Variants in RAB3GAP2 observed in about 807,000 individuals in gnomAD.
The protein encoded by RAB3GAP2 is rab3 GTPase-activating protein non-catalytic subunit.
Under a neutral mutation model 185.3 loss-of-function variants are expected in RAB3GAP2, and 87 were observed. The observed-to-expected ratio is 0.47, with a 90% CI of 0.39 to 0.56. RAB3GAP2 has a LOEUF of 0.56. Ranked by LOEUF, RAB3GAP2 falls within the 20% of genes least tolerant of loss-of-function variation. The probability of loss-of-function intolerance (pLI) is 0.00; values close to 1 mark genes in which losing one functional copy is unlikely to be tolerated. For synonymous variants in RAB3GAP2, 554 were observed against 576.1 expected (o/e 0.96, Z 0.55); for missense variants, 1,492 against 1,638.2 (o/e 0.91, Z 1.54).
intron 26 of RAB3GAP2, among the ~76,000 whole-genome samples, chr1:220,167,036 C>T (rs1331887847): frequency 6.6e-6 from 1 of 152,142 alleles, no homozygotes; most frequent in Non-Finnish European, 1.5e-5. Flanking sequence ...TGTGTGTCTG[C>T]AGGGAAGAAA....
chr1:220,153,872 A>G (rs1179573504), intron 32 of RAB3GAP2, 96 bp downstream of exon 32: 5 of 1,551,090 alleles, frequency 3.2e-6, no homozygotes, highest in East Asian at 2.3e-5. Flanking sequence ...TGTCCTTGCG[A>G]TAGAAAGTAG....
chr1:220,233,938 T>C (rs1341414783), intron 1 of RAB3GAP2, among the ~76,000 whole-genome samples: 3 of 152,124 alleles, frequency 2.0e-5, no homozygotes, highest in African/African-American at 7.2e-5. Context: ...TGACCTCAAG[T>C]GATCCACCCA....
chr1:220,267,960 C>T (rs537873614), intron 1 of RAB3GAP2: 35 of 607,630 alleles, frequency 5.8e-5, no homozygotes, highest in Non-Finnish European at 9.7e-5. Flanking sequence ...GAGCTCAGCC[C>T]AATAAAAGCA....
rs1657891124 is a variant in RAB3GAP2 at position 220,158,051 on chromosome 1, A to C, written c.3262-175T>G. On this transcript the variant is annotated intron_variant, in intron 29 of 34. Transcript: ENST00000358951. This position sits in a 1 kb window ranked among gnomAD's most constrained non-coding sequence, Gnocchi z 4.3. Reference sequence around the variant, plus strand: ...TATTTAAGTTCCTTCTTTTAGATTTACTGTCAACCAATTTTAAAGTCAAGC... The same window carrying C: ...TATTTAAGTTCCTTCTTTTAGATTTCCTGTCAACCAATTTTAAAGTCAAGC... Among the ~76,000 whole-genome samples, 1 of 152,226 alleles carries C rather than the reference A, an allele frequency of 6.6e-6. No individual in the cohort carries two copies. Among genetic ancestry groups the C allele is most frequent in the Non-Finnish European group, 1.5e-5 (1 of 68,036 alleles).
intron 1 of RAB3GAP2, chr1:220,253,862 C>T (rs1659984416): frequency 4.3e-6 from 7 of 1,612,892 alleles, no homozygotes; most frequent in South Asian, 3.3e-5. Context: ...GGAAAGAAGA[C>T]ATCTGGTCTG....
intron 1 of RAB3GAP2, chr1:220,253,955 C>T: frequency 1.9e-6 from 3 of 1,613,586 alleles, no homozygotes; most frequent in South Asian, 1.1e-5. Context: ...ACCAGTGAGA[C>T]CCCTCAGCCT....
intron 14 of RAB3GAP2, 67 bp downstream of exon 14, chr1:220,191,001 T>G: frequency 1.4e-6 from 2 of 1,420,236 alleles, no homozygotes; most frequent in Non-Finnish European, 9.9e-7. Context: ...TAGTAAAGCT[T>G]TATTTTAATA....
At position 220,148,649 on chromosome 1, in the gene RAB3GAP2, C is replaced by CTTT. The variant is rs1247051423; in HGVS notation, c.*2599_*2601dup. 1 of 152,046 alleles carries CTTT rather than the reference C, an allele frequency of 6.6e-6. No homozygotes were observed. The highest frequency in any genetic ancestry group is 2.4e-5 in the African/African-American group (1 of 41,426). 9.4% of individuals were successfully genotyped at this position (152,046 alleles called of 1,614,324 possible). A position where few individuals can be genotyped will look rare whatever the true frequency, so the allele number is the denominator to read the frequency against. ...ATATTATTAAATTTCAGATTTTTGA[C>CTTT]TTTTTAGATCGCAATTGTTTTTAAA... On this transcript the variant is annotated 3_prime_UTR_variant, in exon 35 of 35. Transcript: ENST00000358951.
intron 21 of RAB3GAP2, 54 bp downstream of exon 21, chr1:220,182,203 T>G: frequency 6.2e-7 from 1 of 1,610,888 alleles, no homozygotes; most frequent in Non-Finnish European, 8.5e-7. Context: ...AGACTGACAC[T>G]TCTGGGTGAC....
At chr1:220,238,761 A>G (rs1659639692) in intron 1 of RAB3GAP2, among the ~76,000 whole-genome samples, 2 of 152,274 alleles carry the variant, frequency 1.3e-5, no homozygotes, top group South Asian at 2.1e-4. Context: ...GCATCCACCA[A>G]TGATCTTTCC....
intron 31 of RAB3GAP2, among the ~76,000 whole-genome samples, chr1:220,156,124 T>C (rs1223323016): frequency 6.6e-6 from 1 of 152,054 alleles, no homozygotes; most frequent in Non-Finnish European, 1.5e-5. Flanking sequence ...CTAGTTTTTG[T>C]GTTTTTACTA....
chr1:220,173,167 C>T (rs562972950), intron 21 of RAB3GAP2, among the ~76,000 whole-genome samples: 34 of 152,290 alleles, frequency 2.2e-4, no homozygotes, highest in African/African-American at 7.9e-4. Context: ...AAAGGTATTG[C>T]AGACGTGGCA....
rs58010761 is a variant in RAB3GAP2 at position 220,228,135 on chromosome 1, C to T, written c.180+4664G>A. Among the ~76,000 whole-genome samples, 602 of 152,270 alleles carry T rather than the reference C, an allele frequency of 4.0e-3. 5 individuals carry two copies. The highest frequency in any genetic ancestry group is 0.014 in the African/African-American group (589 of 41,548). On this transcript the variant is annotated intron_variant, in intron 2 of 34. Transcript: ENST00000358951. The stretch of plus-strand genomic sequence containing the variant: ...ATTCCACTTCTTCCAAACCTGGTTC[C>T]TTCTTTAATGTGGATAAGACTCAGA...
intron 2 of RAB3GAP2, among the ~76,000 whole-genome samples, chr1:220,220,991 G>A (rs1297559003): frequency 6.6e-6 from 1 of 152,142 alleles, no homozygotes; most frequent in African/African-American, 2.4e-5. Context: ...TTCTTCTGAG[G>A]GCTGCTGCTG....
intron 21 of RAB3GAP2, 87 bp from the exon 22 acceptor site, chr1:220,172,829 A>G: frequency 2.5e-6 from 2 of 815,962 alleles, no homozygotes; most frequent in South Asian, 2.9e-5. Flanking sequence ...AGATGCATGC[A>G]TATGGATGAT....
chr1:220,244,809 C>A (rs1250746870), intron 1 of RAB3GAP2, among the ~76,000 whole-genome samples: 2 of 151,960 alleles, frequency 1.3e-5, no homozygotes, highest in Non-Finnish European at 2.9e-5. Context: ...CCCCATCTCT[C>A]ATAAAAAATC....
Position 220,191,081 on chromosome 1 carries a change from C to G in RAB3GAP2, c.1474G>C (p.Gly492Arg), listed in dbSNP as rs753415547. The G allele has an allele frequency of 1.9e-6, 3 of 1,613,456 alleles. No homozygotes were observed. The Admixed American group carries it at 5.0e-5, about 27-fold the overall frequency. Residue 492 changes from glycine (G) to arginine (R), a missense_variant, in exon 14 of 35, where the codon GGG becomes CGG. Transcript: ENST00000358951. ...TTTGCAGCTTACCTGCAGTGCTTCC[C>G]CACATTGAAAGCTCCTACTCTAGGT... is the stretch of plus-strand genomic sequence containing the variant. ...QGPRVGAFNVGKHCRLLYPGY... is the reference protein window; with the variant it reads ...QGPRVGAFNVRKHCRLLYPGY...
intron 2 of RAB3GAP2, among the ~76,000 whole-genome samples, chr1:220,217,219 C>T: frequency 6.6e-6 from 1 of 152,018 alleles, no homozygotes; most frequent in South Asian, 2.1e-4. Context: ...GGAAGCTTGT[C>T]TTTACTTGAG....
intron 1 of RAB3GAP2, among the ~76,000 whole-genome samples, chr1:220,244,338 T>C (rs897264716): frequency 1.3e-5 from 2 of 152,036 alleles, no homozygotes; most frequent in African/African-American, 2.4e-5. Context: ...CCTAGGAATA[T>C]ACTTAACCAA....
Sources: allele counts gnomAD v4.1 joint callset (sites outside exome capture counted in the v4.1 genomes callset), GRCh38; gene constraint gnomAD v4.1.1; non-coding constraint Gnocchi (gnomAD v3.1); transcripts MANE v1.5; gene names NCBI Gene and HGNC (gene_info 2026-07-23, HGNC 2026-07-21).